Variants in NCOA3 observed in about 807,000 individuals in gnomAD.
NCOA3 encodes nuclear receptor coactivator 3, also known as CBP-interacting protein.
Under a neutral mutation model 158.8 loss-of-function variants are expected in NCOA3, and 51 were observed. That is an observed-to-expected ratio of 0.32 (90% CI 0.26 to 0.41). The LOEUF (loss-of-function observed/expected upper bound fraction) is 0.41, where lower values mean the gene tolerates loss of function less well. Among genes scored for constraint, NCOA3 ranks in the 10% least tolerant of loss-of-function variants. The pLI is 1.00. For synonymous variants in NCOA3, 537 were observed against 592.4 expected, an observed-to-expected ratio of 0.91 and a Z score of 1.36; for missense variants, 1,510 against 1,746.6, an observed-to-expected ratio of 0.86 and a Z score of 2.41.
rs2086515500 is a variant in NCOA3 at position 47,636,323 on chromosome 20, G to A, written c.1937G>A (p.Cys646Tyr). 6.2e-7 allele frequency: 1 copy of A among 1,614,162 alleles called. No homozygotes were observed. Among genetic ancestry groups the A allele is most frequent in the Non-Finnish European group, 8.5e-7 (1 of 1,180,012 alleles). Reference sequence around the variant, plus strand: ...ACCAACTCCCCCCTAGATTCAAGTTGTAAAGAATCTTCTGTTAGTGTCACC... The same window carrying A: ...ACCAACTCCCCCCTAGATTCAAGTTATAAAGAATCTTCTGTTAGTGTCACC... ...SLTNSPLDSS[C>Y]KESSVSVTSP... Residue 646 changes from cysteine to tyrosine, a missense_variant, in exon 12 of 23, where the codon TGT becomes TAT. This residue lies in a region of NCOA3 where 1,017 missense variants were observed against 1,098.3 expected (regional missense o/e 0.93). Coordinates refer to ENST00000371998, the MANE Select transcript of NCOA3 (RefSeq NM_181659.3).
At chr20:47,502,094 C>A (rs971230954) in intron 1 of NCOA3, 75 bp downstream of exon 1, 1 of 398,764 alleles carries the variant, frequency 2.5e-6, no homozygotes, top group South Asian at 1.3e-4. Context: ...GGGGCGAGTT[C>A]CCCAGGCTGC....
At chr20:47,585,777 A>G in intron 2 of NCOA3, among the ~76,000 whole-genome samples, 1 of 152,138 alleles carries the variant, frequency 6.6e-6, no homozygotes, top group East Asian at 1.9e-4. Flanking sequence ...AAAAAGTACA[A>G]ACTCCCTTCT....
In NCOA3 at chr20:47,549,560, C is replaced by CAAA. The variant is rs763889456; in HGVS notation, c.-98-33604_-98-33602dup. 5.9e-3 allele frequency among the ~76,000 whole-genome samples: 326 copies of CAAA among 55,102 alleles called. 4 individuals carry two copies. Among genetic ancestry groups the CAAA allele is most frequent in the African/African-American group, 0.017 (309 of 18,146 alleles). The allele number at this position is 55,102 out of a possible 152,430, so 36.1% of individuals were successfully genotyped here. A position where few individuals can be genotyped will look rare whatever the true frequency, so the allele number is the denominator to read the frequency against. On this transcript the variant is annotated intron_variant, in intron 1 of 22. Coordinates refer to ENST00000371998, the MANE Select transcript of NCOA3 (RefSeq NM_181659.3). ...GGGCAACAGAGCGAAGACTCTGTCTCAAAAAAAAAAAAAAAAAAAAAGTCT... is the reference window on the plus strand; with the variant it reads ...GGGCAACAGAGCGAAGACTCTGTCTCAAAAAAAAAAAAAAAAAAAAAAAAGTCT...
intron 3 of NCOA3, 106 bp from the exon 4 acceptor site, chr20:47,623,805 A>AC: frequency 9.0e-7 from 1 of 1,111,466 alleles, no homozygotes; most frequent in Non-Finnish European, 1.3e-6. Context: ...AAAAAAAAAA[A>AC]AAGTAATCAT....
chr20:47,537,119 T>C (rs1238834398), intron 1 of NCOA3, among the ~76,000 whole-genome samples: 2 of 152,138 alleles, frequency 1.3e-5, no homozygotes, highest in Non-Finnish European at 2.9e-5. Flanking sequence ...TGTTTTGTTT[T>C]AAGCAAAGAA....
intron 16 of NCOA3, among the ~76,000 whole-genome samples, chr20:47,641,351 G>A (rs559950264): frequency 3.5e-5 from 5 of 142,608 alleles, no homozygotes; most frequent in African/African-American, 1.1e-4. Flanking sequence ...TTTTTGAGAC[G>A]GAATCTGGCT....
At chr20:47,520,502 G>A (rs1196554269) in intron 1 of NCOA3, among the ~76,000 whole-genome samples, 1 of 152,176 alleles carries the variant, frequency 6.6e-6, no homozygotes, top group African/African-American at 2.4e-5. Flanking sequence ...CTTACTACCG[G>A]AGGTTTGTGT....
intron 1 of NCOA3, among the ~76,000 whole-genome samples, chr20:47,522,097 A>ATTTTTTTTTT (rs2084345467): frequency 1.9e-5 from 2 of 103,812 alleles, no homozygotes; most frequent in African/African-American, 7.3e-5. Context: ...CATTGTACAG[A>ATTTTTTTTTT]TCTTTTTTTT....
intron 2 of NCOA3, among the ~76,000 whole-genome samples, chr20:47,587,779 C>T (rs1406580417): frequency 6.6e-6 from 1 of 152,056 alleles, no homozygotes; most frequent in Non-Finnish European, 1.5e-5. Flanking sequence ...CGCATGTGTT[C>T]ATTGAAACAT....
At chr20:47,643,161 G>T (rs111282233) in intron 17 of NCOA3, among the ~76,000 whole-genome samples, 1 of 152,192 alleles carries the variant, frequency 6.6e-6, no homozygotes, top group Non-Finnish European at 1.5e-5. Flanking sequence ...TGATCCACTC[G>T]CCTTGGCCTC....
intron 1 of NCOA3, among the ~76,000 whole-genome samples, chr20:47,507,894 C>T (rs774266790): frequency 2.0e-5 from 3 of 152,152 alleles, no homozygotes; most frequent in Admixed American, 6.5e-5. Context: ...GCTGGAATTA[C>T]AGGTGTGAGC....
intron 2 of NCOA3, among the ~76,000 whole-genome samples, chr20:47,621,080 A>T (rs2086232810): frequency 6.6e-6 from 1 of 152,234 alleles, no homozygotes; most frequent in Non-Finnish European, 1.5e-5. Flanking sequence ...GAAAAAACAA[A>T]TACTTAAATC....
At chr20:47,650,352 G>A (rs1399012712) in intron 19 of NCOA3, among the ~76,000 whole-genome samples, 1 of 150,370 alleles carries the variant, frequency 6.7e-6, no homozygotes, top group Non-Finnish European at 1.5e-5. Flanking sequence ...CTGGGTTTAA[G>A]GGATTTTCCT....
At chr20:47,586,336 T>C (rs902358149) in intron 2 of NCOA3, among the ~76,000 whole-genome samples, 1 of 152,202 alleles carries the variant, frequency 6.6e-6, no homozygotes, top group Admixed American at 6.5e-5. Context: ...TGCTTATTTG[T>C]ATTTGTGCTG....
intron 1 of NCOA3, among the ~76,000 whole-genome samples, chr20:47,568,505 A>T (rs974134527): frequency 6.6e-6 from 1 of 152,196 alleles, no homozygotes; most frequent in Non-Finnish European, 1.5e-5. Flanking sequence ...TACCTTAATT[A>T]AAAAAATACT....
At chr20:47,645,923 A>G (rs1469724912) in intron 17 of NCOA3, among the ~76,000 whole-genome samples, 2 of 152,332 alleles carry the variant, frequency 1.3e-5, no homozygotes, top group South Asian at 4.1e-4. Context: ...TGGAGGAAAA[A>G]TTGACAGGAC....
chr20:47,511,155 A>G (rs1253193252), intron 1 of NCOA3, among the ~76,000 whole-genome samples: 1 of 152,052 alleles, frequency 6.6e-6, no homozygotes, highest in African/African-American at 2.4e-5. Context: ...TAGAGATTGT[A>G]GAGAAGTTCA....
chr20:47,566,254 T>C (rs2146191823), intron 1 of NCOA3, among the ~76,000 whole-genome samples: 2 of 152,220 alleles, frequency 1.3e-5, no homozygotes, highest in Middle Eastern at 6.8e-3. Flanking sequence ...TTCCCAGTTC[T>C]CATTGGTCTA....
chr20:47,638,498 A>G (rs1377005787), intron 13 of NCOA3, among the ~76,000 whole-genome samples: 1 of 152,252 alleles, frequency 6.6e-6, no homozygotes, highest in Non-Finnish European at 1.5e-5. Flanking sequence ...ATTATTCAGT[A>G]GCATTATTTC....
Sources: gnomAD v4.1 joint callset for allele counts (sites outside exome capture counted in the v4.1 genomes callset) on GRCh38, gnomAD v4.1.1 for gene constraint, gnomAD v4.1.1 regional missense constraint, MANE v1.5 for transcripts, NCBI Gene and HGNC (gene_info 2026-07-23, HGNC 2026-07-21) for gene names.